NALF1: variants seen among roughly 807,000 people sequenced by gnomAD.
NALF1 encodes family with sequence similarity 155 member A.
NALF1 carries 3 observed loss-of-function variants against 48.4 expected under a neutral mutation model. That is an observed-to-expected ratio of 0.06 (90% CI 0.03 to 0.16). NALF1 has a LOEUF of 0.16. NALF1 is among the 10% of genes least tolerant of loss of function. NALF1 has a pLI of 1.00. For missense variants in NALF1, 526 were observed against 571.5 expected, an observed-to-expected ratio of 0.92 and a Z score of 0.81; for synonymous variants, 262 against 245.7, an observed-to-expected ratio of 1.07 and a Z score of -0.62.
intron 1 of NALF1, among the ~76,000 whole-genome samples, chr13:107,660,138 C>T (rs1171284419): frequency 6.6e-6 from 1 of 151,910 alleles, no homozygotes; most frequent in African/African-American, 2.4e-5. Flanking sequence ...AGTCTCTTCA[C>T]GTGATTTATA....
chr13:107,540,160 A>G (rs1876960572), intron 1 of NALF1, among the ~76,000 whole-genome samples: 2 of 151,962 alleles, frequency 1.3e-5, no homozygotes. Flanking sequence ...GTTATGATTC[A>G]AGGAATGCTC....
At chr13:107,837,168 C>G (rs1879918020) in intron 1 of NALF1, among the ~76,000 whole-genome samples, 1 of 152,122 alleles carries the variant, frequency 6.6e-6, no homozygotes, top group Non-Finnish European at 1.5e-5. Flanking sequence ...TCCCCTAGCC[C>G]CCTTTAAACA....
chr13:107,463,829 G>A (rs1300480022), intron 1 of NALF1, among the ~76,000 whole-genome samples: 1 of 152,138 alleles, frequency 6.6e-6, no homozygotes, highest in Admixed American at 6.6e-5. Context: ...CATTGTTAAT[G>A]CCTTACATCA....
chr13:107,327,909 A>C (rs1179812438), intron 1 of NALF1, among the ~76,000 whole-genome samples: 7 of 151,708 alleles, frequency 4.6e-5, no homozygotes, highest in African/African-American at 1.7e-4. Flanking sequence ...ATCTCAGCTT[A>C]AAAGTGCTTT....
At chr13:107,256,635 A>C (rs1880821460) in intron 1 of NALF1, among the ~76,000 whole-genome samples, 1 of 152,134 alleles carries the variant, frequency 6.6e-6, no homozygotes, top group African/African-American at 2.4e-5. Context: ...TCAATGCTTC[A>C]TTTTCTTCTT....
At chr13:107,722,589 C>T (rs1876017536) in intron 1 of NALF1, among the ~76,000 whole-genome samples, 1 of 152,160 alleles carries the variant, frequency 6.6e-6, no homozygotes, top group Non-Finnish European at 1.5e-5. Flanking sequence ...CCTAGCAACA[C>T]TACCACGCTC....
At chr13:107,657,698 G>C (rs2138473539) in intron 1 of NALF1, among the ~76,000 whole-genome samples, 1 of 152,222 alleles carries the variant, frequency 6.6e-6, no homozygotes, top group East Asian at 1.9e-4. Context: ...AAAACCTGTT[G>C]CCCACTCCTA....
intron 1 of NALF1, among the ~76,000 whole-genome samples, chr13:107,481,858 C>G (rs7336336): frequency 0.56 from 85,021 of 151,920 alleles, 26,223 homozygotes; most frequent in Middle Eastern, 0.74. Context: ...TGTTTTTACC[C>G]GATCAAGGCA....
intron 1 of NALF1, among the ~76,000 whole-genome samples, chr13:107,493,857 T>C (rs974607333): frequency 6.6e-6 from 1 of 152,096 alleles, no homozygotes; most frequent in African/African-American, 2.4e-5. Flanking sequence ...ACCATTGGAC[T>C]CCAGGCTGGG....
At chr13:107,507,106 C>T (rs9587396) in intron 1 of NALF1, among the ~76,000 whole-genome samples, 66 of 152,116 alleles carry the variant, frequency 4.3e-4, no homozygotes, top group African/African-American at 1.6e-3. Flanking sequence ...GTGAAAAACA[C>T]AAGTACTCTT....
intron 1 of NALF1, among the ~76,000 whole-genome samples, chr13:107,586,524 G>GT (rs71121537): frequency 0.15 from 22,576 of 150,478 alleles, 1,946 homozygotes; most frequent in Middle Eastern, 0.27. Context: ...ATAAATCATT[G>GT]TATTTATCTA....
chr13:107,404,613 G>T (rs529972959), intron 1 of NALF1, among the ~76,000 whole-genome samples: 1 of 152,154 alleles, frequency 6.6e-6, no homozygotes, highest in African/African-American at 2.4e-5. Context: ...AATACACAGA[G>T]ATGTCAGAGA....
chr13:107,443,188 C>G (rs1264256499), intron 1 of NALF1, among the ~76,000 whole-genome samples: 1 of 151,514 alleles, frequency 6.6e-6, no homozygotes, highest in Non-Finnish European at 1.5e-5. Context: ...ATCTATCTAT[C>G]TATCTATCTA....
chr13:107,377,095 T>G (rs1203787198), intron 1 of NALF1, among the ~76,000 whole-genome samples: 2 of 152,162 alleles, frequency 1.3e-5, no homozygotes, highest in Non-Finnish European at 2.9e-5. Flanking sequence ...TCACACCTCC[T>G]GCAGCTAAGT....
intron 1 of NALF1, among the ~76,000 whole-genome samples, chr13:107,633,546 C>T (rs1007626747): frequency 2.0e-5 from 3 of 151,822 alleles, no homozygotes; most frequent in Admixed American, 6.6e-5. Context: ...TATTTACCTC[C>T]TACTCTGGTC....
chr13:107,571,968 C>T (rs894103837), intron 1 of NALF1, among the ~76,000 whole-genome samples: 1 of 151,932 alleles, frequency 6.6e-6, no homozygotes, highest in Non-Finnish European at 1.5e-5. Context: ...TATTGAGAAA[C>T]GTGTGTGTAG....
chr13:107,579,517 C>A (rs1022832983), intron 1 of NALF1, among the ~76,000 whole-genome samples: 10 of 152,216 alleles, frequency 6.6e-5, no homozygotes, highest in Non-Finnish European at 4.4e-5. Context: ...ATCCAGGCCA[C>A]CCTCTCCCCT....
intron 1 of NALF1, among the ~76,000 whole-genome samples, chr13:107,616,372 A>C (rs1421030357): frequency 6.6e-6 from 1 of 152,224 alleles, no homozygotes; most frequent in African/African-American, 2.4e-5. Flanking sequence ...ATTGCATAAT[A>C]ATCCAAGGAC....
At chr13:107,326,058 C>T (rs1197294188) in intron 1 of NALF1, among the ~76,000 whole-genome samples, 1 of 150,110 alleles carries the variant, frequency 6.7e-6, no homozygotes, top group African/African-American at 2.5e-5. Context: ...AGCCTCGAGT[C>T]ATCCAAAAAG....
Sources: gnomAD v4.1 joint callset for allele counts (sites outside exome capture counted in the v4.1 genomes callset) on GRCh38, gnomAD v4.1.1 for gene constraint, MANE v1.5 for transcripts, NCBI Gene and HGNC (gene_info 2026-07-23, HGNC 2026-07-21) for gene names.